The following ANKS1B variants were observed in gnomAD, a reference collection of about 807,000 sequenced individuals.
The protein encoded by ANKS1B is ankyrin repeat and sterile alpha motif domain-containing protein 1B.
ANKS1B carries 36 observed loss-of-function variants against 148.3 expected under a neutral mutation model. The observed-to-expected ratio is 0.24, with a 90% CI of 0.19 to 0.32. The LOEUF (loss-of-function observed/expected upper bound fraction) is 0.32. Ranked by LOEUF, ANKS1B falls within the 10% of genes least tolerant of loss-of-function variation. The pLI is 1.00. For missense variants in ANKS1B, 1,157 were observed against 1,542.6 expected (o/e 0.75, Z 4.19); for synonymous variants, 542 against 560.8 (o/e 0.97, Z 0.47).
At chr12:99,487,419 T>C (rs768957493) in intron 10 of ANKS1B, among the ~76,000 whole-genome samples, 21 of 152,174 alleles carry the variant, frequency 1.4e-4, no homozygotes, top group Non-Finnish European at 2.2e-4. Context: ...TGCTTTTCTA[T>C]GTTTGTATAT....
intron 11 of ANKS1B, among the ~76,000 whole-genome samples, chr12:99,435,239 T>C (rs980740282): frequency 6.6e-6 from 1 of 152,056 alleles, no homozygotes. Context: ...ACTGTGCCAT[T>C]TATCCTCACT....
chr12:99,817,888 A>T (rs1177907269), intron 2 of ANKS1B, among the ~76,000 whole-genome samples: 1 of 151,592 alleles, frequency 6.6e-6, no homozygotes, highest in Non-Finnish European at 1.5e-5. Flanking sequence ...TTAGTTCCTT[A>T]TATGTTCTGG....
chr12:99,660,714 G>C (rs1333878767), intron 8 of ANKS1B, among the ~76,000 whole-genome samples: 2 of 152,134 alleles, frequency 1.3e-5, no homozygotes, highest in Non-Finnish European at 2.9e-5. Flanking sequence ...ACAGTGATCA[G>C]AGAAATGTTT....
At position 98,810,877 on chromosome 12, in the gene ANKS1B, G is replaced by C. The variant is rs149401997; in HGVS notation, c.3067-2959C>G. Among the ~76,000 whole-genome samples the C allele has an allele frequency of 2.6e-3, 396 of 152,248 alleles. 1 individual carries two copies. The highest frequency in any genetic ancestry group is 9.1e-3 in the African/African-American group (377 of 41,546). On this transcript the variant is annotated intron_variant, in intron 19 of 26. Coordinates refer to ENST00000683438, the MANE Select transcript of ANKS1B (RefSeq NM_001352186.2). Reference sequence around the variant, plus strand: ...TTCCCTCCTTGTGTGTCAGTCTTGGGGCTTAAAAAGCCCGGGGTGGATAAG... The same window carrying C: ...TTCCCTCCTTGTGTGTCAGTCTTGGCGCTTAAAAAGCCCGGGGTGGATAAG...
intron 8 of ANKS1B, among the ~76,000 whole-genome samples, chr12:99,686,779 G>A (rs1367333484): frequency 4.6e-5 from 7 of 151,982 alleles, no homozygotes; most frequent in Admixed American, 3.3e-4. Flanking sequence ...TTTTTGTGCT[G>A]TTGTTGCCAT....
intron 8 of ANKS1B, among the ~76,000 whole-genome samples, chr12:99,717,443 TC>T (rs1274096047): frequency 2.6e-5 from 4 of 151,970 alleles, no homozygotes; most frequent in Non-Finnish European, 5.9e-5. Flanking sequence ...CAGGCCCGCC[TC>T]CCCCAGGAGC....
chr12:99,387,874 T>TTTTTTTTTTTTTTTTTTTTTGAGACGG (rs1310198385), intron 12 of ANKS1B, among the ~76,000 whole-genome samples: 1 of 151,762 alleles, frequency 6.6e-6, no homozygotes, highest in African/African-American at 2.4e-5. Flanking sequence ...AATTGTAATT[T>TTTTTTTTTTTTTTTTTTTTTGAGACGG]ACCAAGTAGA....
At chr12:98,882,701 T>C (rs2099711332) in intron 17 of ANKS1B, among the ~76,000 whole-genome samples, 1 of 151,810 alleles carries the variant, frequency 6.6e-6, no homozygotes, top group African/African-American at 2.4e-5. Context: ...CAGATAAAGC[T>C]GTAGAGATCT....
chr12:99,608,118 C>T (rs1045503200), intron 9 of ANKS1B, among the ~76,000 whole-genome samples: 3 of 152,016 alleles, frequency 2.0e-5, no homozygotes, highest in Non-Finnish European at 2.9e-5. Flanking sequence ...TTGGGTCATA[C>T]AACATTTTCA....
chr12:99,161,467 T>C (rs374782654), intron 14 of ANKS1B, among the ~76,000 whole-genome samples: 2 of 152,056 alleles, frequency 1.3e-5, no homozygotes, highest in Non-Finnish European at 2.9e-5. Flanking sequence ...GAGCTATGAT[T>C]GCACCACTGC....
At chr12:99,210,900 A>C (rs1335141619) in intron 14 of ANKS1B, among the ~76,000 whole-genome samples, 1 of 152,246 alleles carries the variant, frequency 6.6e-6, no homozygotes, top group African/African-American at 2.4e-5. Flanking sequence ...GCATTCCCTC[A>C]AAAGTTTTAA....
In ANKS1B at chr12:99,044,094, A is replaced by G. The variant is rs146104647; in HGVS notation, c.2778+9063T>C. ...GTGTATGTATTTGTGAATATGGAGT[A>G]CTTTTGCTTTTGTATTTTCTATACT... On this transcript the variant is annotated intron_variant, in intron 17 of 26. Coordinates refer to ENST00000683438, the MANE Select transcript of ANKS1B (RefSeq NM_001352186.2). Among the ~76,000 whole-genome samples the G allele has an allele frequency of 3.3e-5, 5 of 152,344 alleles. No homozygotes were observed. The East Asian group carries it at 9.6e-4, about 29-fold the overall frequency.
chr12:99,218,173 T>C (rs561856748), intron 14 of ANKS1B, among the ~76,000 whole-genome samples: 1 of 152,290 alleles, frequency 6.6e-6, no homozygotes, highest in East Asian at 1.9e-4. Context: ...ATGCTCTCCT[T>C]CTAACTTCTG....
intron 12 of ANKS1B, among the ~76,000 whole-genome samples, chr12:99,253,066 G>A (rs923673998): frequency 6.6e-6 from 1 of 151,996 alleles, no homozygotes; most frequent in African/African-American, 2.4e-5. Flanking sequence ...TGTACAAAAA[G>A]TGTTTAAAAG....
Position 99,951,333 on chromosome 12 carries a change from C to A in ANKS1B, c.134+32771G>T, listed in dbSNP as rs1273623653. Among the ~76,000 whole-genome samples the A allele has an allele frequency of 5.3e-5, 8 of 152,188 alleles. No individual in the cohort carries two copies. The South Asian group carries it at 1.7e-3, about 31-fold the overall frequency. On this transcript the variant is annotated intron_variant, in intron 1 of 26. Coordinates refer to ENST00000683438, the MANE Select transcript of ANKS1B (RefSeq NM_001352186.2). ...ACTAGGAAATTTTCTTGTAATATTT[C>A]TTTGATAGCTTCCTTCCTTTTTCTT...
intron 14 of ANKS1B, among the ~76,000 whole-genome samples, chr12:99,217,776 GT>G (rs1160552606): frequency 6.6e-6 from 1 of 152,122 alleles, no homozygotes; most frequent in Non-Finnish European, 1.5e-5. Flanking sequence ...AGTGACTACT[GT>G]GTAAGTGTCC....
chr12:99,928,280 T>TA (rs1566017583), intron 1 of ANKS1B, among the ~76,000 whole-genome samples: 13 of 148,038 alleles, frequency 8.8e-5, no homozygotes, highest in South Asian at 4.2e-4. Flanking sequence ...TATTTTTTTT[T>TA]TTTTTTTTTG....
Position 99,984,762 on chromosome 12 carries a change from CGCG to C in ANKS1B, c.-528_-526del, listed in dbSNP as rs898428434. 4.3e-4 allele frequency: 64 copies of C among 148,788 alleles called. No homozygotes were observed. The highest frequency in any genetic ancestry group is 5.9e-4 in the African/African-American group (24 of 41,014). 9.2% of individuals were successfully genotyped at this position (148,788 alleles called of 1,614,324 possible). ...GGGCGGCGTCCGCGGCGGGGAGGAG[CGCG>C]GCGGCGGCGGCGGCGGCTCGTGCGC... On this transcript the variant is annotated 5_prime_UTR_variant, in exon 1 of 27. Coordinates refer to ENST00000683438, the MANE Select transcript of ANKS1B (RefSeq NM_001352186.2).
At chr12:99,110,568 T>A (rs997532934) in intron 15 of ANKS1B, among the ~76,000 whole-genome samples, 1 of 152,244 alleles carries the variant, frequency 6.6e-6, no homozygotes, top group African/African-American at 2.4e-5. Context: ...TCATTTCTTT[T>A]GTGCCACTAG....
Sources: allele counts gnomAD v4.1 joint callset (sites outside exome capture counted in the v4.1 genomes callset), GRCh38; gene constraint gnomAD v4.1.1; transcripts MANE v1.5; gene names NCBI Gene and HGNC (gene_info 2026-07-23, HGNC 2026-07-21).